The following SLC5A4 variants were observed in gnomAD, a reference collection of about 807,000 sequenced individuals.
SLC5A4 encodes probable glucose sensor protein SLC5A4.
In SLC5A4, 55 loss-of-function variants were observed where a neutral mutation model predicts 70.3. That is an observed-to-expected ratio of 0.78 (90% CI 0.63 to 0.98). The LOEUF is 0.98. SLC5A4 is among the 50% of genes least tolerant of loss of function. The pLI, the probability that SLC5A4 is intolerant of heterozygous loss-of-function variation, is 0.00. For synonymous variants in SLC5A4, 268 were observed against 305.7 expected (o/e 0.88, Z 1.29); for missense variants, 735 against 839.2 (o/e 0.88, Z 1.53).
chr22:32,335,648 C>T, the SLC5A4 span, among the ~76,000 whole-genome samples: 13 of 152,308 alleles, frequency 8.5e-5, no homozygotes, highest in East Asian at 7.7e-4. Flanking sequence ...GCACGGAGTC[C>T]GGTCCAAGCC....
intron 12 of SLC5A4, among the ~76,000 whole-genome samples, chr22:32,224,735 C>T (rs1448770193): frequency 6.6e-6 from 1 of 152,188 alleles, no homozygotes; most frequent in East Asian, 1.9e-4. Context: ...CTACTGTCTA[C>T]ACTGACCCAA....
chr22:32,305,073 TTGTC>T, the SLC5A4 span, among the ~76,000 whole-genome samples: 114 of 152,358 alleles, frequency 7.5e-4, 3 homozygotes, highest in South Asian at 0.016. Context: ...ATTCTGTTCA[TTGTC>T]TGTTCTTTTG....
At chr22:32,269,182 C>T in the SLC5A4 span, among the ~76,000 whole-genome samples, 7 of 152,300 alleles carry the variant, frequency 4.6e-5, no homozygotes, top group South Asian at 2.1e-4. This position sits in a 1 kb window ranked among gnomAD's most constrained non-coding sequence, Gnocchi z 4.1. Context: ...TGAGCCACCA[C>T]GAGCGGCTGC....
chr22:32,338,813 C>A, the SLC5A4 span, among the ~76,000 whole-genome samples: 8 of 152,290 alleles, frequency 5.3e-5, no homozygotes, highest in Middle Eastern at 6.8e-3. Flanking sequence ...CTGTCACCCC[C>A]TTGGACTCAG....
At chr22:32,308,271 ATTAAAAAAT>A in the SLC5A4 span, among the ~76,000 whole-genome samples, 1 of 152,174 alleles carries the variant, frequency 6.6e-6, no homozygotes, top group Non-Finnish European at 1.5e-5. Flanking sequence ...AAATAAGCCA[ATTAAAAAAT>A]TTTACAAGTC....
chr22:32,236,503 A>G (rs146562144), intron 7 of SLC5A4, among the ~76,000 whole-genome samples: 33 of 152,322 alleles, frequency 2.2e-4, no homozygotes, highest in African/African-American at 7.5e-4. Flanking sequence ...TGTGTATTCT[A>G]TGTGTATGAT....
the SLC5A4 span, among the ~76,000 whole-genome samples, chr22:32,287,186 C>T: frequency 6.6e-6 from 1 of 152,174 alleles, no homozygotes; most frequent in South Asian, 2.1e-4. Context: ...TCGGACTATT[C>T]ATGACTTAAA....
the SLC5A4 span, among the ~76,000 whole-genome samples, chr22:32,294,381 A>G: frequency 6.7e-6 from 1 of 148,186 alleles, no homozygotes; most frequent in African/African-American, 2.5e-5. Context: ...TGCACATGCA[A>G]TTGTGAGAAG....
chr22:32,297,115 C>CT, the SLC5A4 span, among the ~76,000 whole-genome samples: 24 of 151,942 alleles, frequency 1.6e-4, no homozygotes, highest in South Asian at 4.8e-3. Context: ...CTAAAATTCT[C>CT]TTTTTTTGTT....
the SLC5A4 span, among the ~76,000 whole-genome samples, chr22:32,298,600 C>CT: frequency 0.1 from 8,455 of 84,158 alleles, 409 homozygotes; most frequent in East Asian, 0.29. Flanking sequence ...GGTCTTGACT[C>CT]TTTATCCAAT....
the SLC5A4 span, among the ~76,000 whole-genome samples, chr22:32,262,706 A>AT: frequency 2.6e-5 from 4 of 152,138 alleles, no homozygotes; most frequent in Non-Finnish European, 5.9e-5. Flanking sequence ...AGTGCAAAAA[A>AT]GAAAAGAAAG....
chr22:32,234,805 C>T, intron 8 of SLC5A4, 68 bp downstream of exon 8: 3 of 1,114,974 alleles, frequency 2.7e-6, no homozygotes, highest in Non-Finnish European at 4.1e-6. Flanking sequence ...AAAGAACAAG[C>T]ACATGCACAC....
At chr22:32,290,080 T>TAC in the SLC5A4 span, among the ~76,000 whole-genome samples, 1 of 151,988 alleles carries the variant, frequency 6.6e-6, no homozygotes, top group Admixed American at 6.6e-5. Flanking sequence ...TTTTTCTTTT[T>TAC]TTCTTTTTAC....
chr22:32,300,753 T>G, the SLC5A4 span, among the ~76,000 whole-genome samples: 29 of 152,238 alleles, frequency 1.9e-4, no homozygotes, highest in African/African-American at 7.0e-4. Flanking sequence ...TATTGTTGCA[T>G]AGTATTCCAT....
chr22:32,229,133 A>C, intron 11 of SLC5A4, 61 bp downstream of exon 11: 4 of 1,488,834 alleles, frequency 2.7e-6, no homozygotes, highest in Admixed American at 3.7e-5. Context: ...AGGGAACTCT[A>C]GTTCACTTCT....
chr22:32,331,056 GAGGCTCTGGTGTGTATGTGTTGA>G, the SLC5A4 span, among the ~76,000 whole-genome samples: 61 of 129,178 alleles, frequency 4.7e-4, no homozygotes, highest in African/African-American at 1.1e-3. Flanking sequence ...GTGTGTGTTG[GAGGCTCTGGTGTGTATGTGTTGA>G]AGGCTCTGGT....
the SLC5A4 span, among the ~76,000 whole-genome samples, chr22:32,294,468 G>T: frequency 1.3e-5 from 2 of 152,074 alleles, no homozygotes; most frequent in South Asian, 4.2e-4. Context: ...ATCACAACTA[G>T]GATACTGACA....
At chr22:32,334,113 C>A in the SLC5A4 span, among the ~76,000 whole-genome samples, 1 of 149,512 alleles carries the variant, frequency 6.7e-6, no homozygotes, top group Non-Finnish European at 1.5e-5. Flanking sequence ...CATAGACCCA[C>A]ACAATATACA....
Position 32,220,901 on chromosome 22 carries a change from A to T in SLC5A4, c.1768+19T>A, listed in dbSNP as rs1925036037. The T allele has an allele frequency of 6.5e-7, 1 of 1,535,994 alleles. No individual in the cohort carries two copies. Among genetic ancestry groups the T allele is most frequent in the Non-Finnish European group, 9.0e-7 (1 of 1,108,798 alleles). The stretch of plus-strand genomic sequence containing the variant: ...GCACAGAGTTCCTACATGAAAACCA[A>T]ATGTAAACCAAATATTACCTTCTTC... On this transcript the variant is annotated intron_variant, in intron 14 of 14. Transcript: ENST00000266086.
Sources: allele counts gnomAD v4.1 joint callset (sites outside exome capture counted in the v4.1 genomes callset), GRCh38; gene constraint gnomAD v4.1.1; non-coding constraint Gnocchi (gnomAD v3.1); transcripts MANE v1.5; gene names NCBI Gene and HGNC (gene_info 2026-07-23, HGNC 2026-07-21).